The following CYTH4 variants were observed in gnomAD, a reference collection of about 807,000 sequenced individuals.
The protein encoded by CYTH4 is cytohesin 4.
Under a neutral mutation model 57.5 loss-of-function variants are expected in CYTH4, and 22 were observed. That is an observed-to-expected ratio of 0.38 (90% CI 0.27 to 0.55). The LOEUF (loss-of-function observed/expected upper bound fraction) is 0.55, where lower values mean the gene tolerates loss of function less well. CYTH4 is among the 20% of genes least tolerant of loss of function. CYTH4 has a pLI of 0.74. For missense variants in CYTH4, 420 were observed against 535.6 expected (o/e 0.78, Z 2.13); for synonymous variants, 186 against 206.5 (o/e 0.90, Z 0.85).
chr22:37,310,959 G>C, intron 9 of CYTH4, 29 bp from the exon 10 acceptor site: 1 of 1,613,222 alleles, frequency 6.2e-7, no homozygotes, highest in African/African-American at 1.3e-5. Context: ...GAGGAGGACT[G>C]ACCAGCTTGC....
intron 2 of CYTH4, among the ~76,000 whole-genome samples, 180 bp downstream of exon 2, chr22:37,292,883 C>T (rs907807354): frequency 6.6e-5 from 10 of 152,158 alleles, no homozygotes; most frequent in African/African-American, 2.4e-4. Context: ...ACCCCGAGAC[C>T]CAGGGAGAAC....
chr22:37,286,492 A>G (rs1026197108), intron 1 of CYTH4, among the ~76,000 whole-genome samples: 1 of 152,074 alleles, frequency 6.6e-6, no homozygotes. Context: ...TTCCTTAACC[A>G]ACGGCGTGGC....
intron 9 of CYTH4, chr22:37,310,097 C>T (rs1341382014): frequency 2.5e-5 from 11 of 442,384 alleles, no homozygotes; most frequent in South Asian, 1.8e-4. Flanking sequence ...CAACATTGAG[C>T]CTCCAGCACC....
At position 37,296,006 on chromosome 22, in the gene CYTH4, G is replaced by T. The variant is rs769340898; in HGVS notation, c.175G>T (p.Ala59Ser). 3.7e-6 allele frequency: 6 copies of T among 1,612,864 alleles called. No individual in the cohort carries two copies. Among genetic ancestry groups the T allele is most frequent in the Non-Finnish European group, 5.1e-6 (6 of 1,179,464 alleles). The change falls in exon 4 of 13, where the codon GCC (alanine) becomes TCC (serine). Residue 59 changes from alanine to serine, a missense_variant. By Grantham distance (99) the Ala-to-Ser change is moderately conservative. Coordinates refer to ENST00000248901, the MANE Select transcript of CYTH4 (RefSeq NM_013385.5). ...CFESAEESRMAQKEKELCIGR... is the reference protein window; with the variant it reads ...CFESAEESRMSQKEKELCIGR... ...ACGTCCTCATGTCCACAGCCGGATG[G>T]CCCAGAAGGAGAAGGAGCTGTGTAT... is the stretch of plus-strand genomic sequence containing the variant.
At chr22:37,300,167 C>T (rs913828541) in intron 6 of CYTH4, 1 of 717,424 alleles carries the variant, frequency 1.4e-6, no homozygotes. Flanking sequence ...CGAGAAGGAG[C>T]ATCTGATCTG....
chr22:37,299,169 G>T, intron 5 of CYTH4, 57 bp from the exon 6 acceptor site: 2 of 1,386,642 alleles, frequency 1.4e-6, no homozygotes, highest in Non-Finnish European at 2.0e-6. Context: ...CCTCCAGGAG[G>T]TGGGTGCCAG....
At chr22:37,302,956 C>T (rs1004522298) in intron 7 of CYTH4, among the ~76,000 whole-genome samples, 1 of 106,980 alleles carries the variant, frequency 9.3e-6, no homozygotes, top group African/African-American at 2.6e-5. Flanking sequence ...CGTGGCTGAG[C>T]GAGAAGGAGG....
chr22:37,286,218 G>A (rs1269607106), intron 1 of CYTH4, among the ~76,000 whole-genome samples: 1 of 152,152 alleles, frequency 6.6e-6, no homozygotes, highest in African/African-American at 2.4e-5. Flanking sequence ...TTCGTATGGA[G>A]AGATCAGCCT....
rs367716701 is a variant in CYTH4, at chr22:37,293,796, G to A, written c.103-864G>A. Among the ~76,000 whole-genome samples the A allele has an allele frequency of 4.6e-5, 7 of 152,248 alleles. No homozygotes were observed. In the East Asian group the frequency reaches 5.8e-4, roughly 13 times the overall value. On this transcript the variant is annotated intron_variant, in intron 2 of 12. Transcript: ENST00000248901. ...GTGTTAGGGGGTCCCCTCTGCCACT[G>A]GGTGCCTCCTGCAGGGTCAAGATGA...
intron 5 of CYTH4, 28 bp downstream of exon 5, chr22:37,297,710 C>A: frequency 6.3e-7 from 1 of 1,591,192 alleles, no homozygotes; most frequent in Non-Finnish European, 8.6e-7. Flanking sequence ...CTTAGCGAGG[C>A]AGGAAATGAA....
chr22:37,299,331 C>A (rs779265378), intron 6 of CYTH4, 25 bp downstream of exon 6: 1 of 1,609,584 alleles, frequency 6.2e-7, no homozygotes, highest in East Asian at 2.2e-5. Context: ...GGCAGGGTCC[C>A]GGCCCTCAAG....
rs557488185 is a variant in CYTH4, at chr22:37,308,560, G to T, written c.697-652G>T. Among the ~76,000 whole-genome samples, 3 of 152,052 alleles carry T rather than the reference G, an allele frequency of 2.0e-5. No individual in the cohort carries two copies. The South Asian group carries it at 6.2e-4, about 32-fold the overall frequency. ...TGTGTGTATGTGTGTAAGTGTGCGT[G>T]TGTATACATGTATGTGTGAGCGTGT... On this transcript the variant is annotated intron_variant, in intron 8 of 12. Transcript: ENST00000248901.
At chr22:37,308,159 G>A (rs779312355) in intron 8 of CYTH4, among the ~76,000 whole-genome samples, 4 of 152,218 alleles carry the variant, frequency 2.6e-5, no homozygotes, top group Non-Finnish European at 4.4e-5. Context: ...AACAGGAAGT[G>A]GCCTATCCTC....
At chr22:37,299,916 G>C (rs1245847817) in intron 6 of CYTH4, among the ~76,000 whole-genome samples, 1 of 152,188 alleles carries the variant, frequency 6.6e-6, no homozygotes, top group East Asian at 1.9e-4. Flanking sequence ...ACCTGGACCT[G>C]GGAGGTGGAG....
intron 8 of CYTH4, among the ~76,000 whole-genome samples, chr22:37,307,466 C>T (rs2145868508): frequency 6.6e-6 from 1 of 152,288 alleles, no homozygotes; most frequent in South Asian, 2.1e-4. Context: ...GTAGGGGCTT[C>T]CCAGAGAGAA....
rs757833823 is a variant in CYTH4, at chr22:37,298,052, T to C, written c.353+370T>C. 2.9e-5 allele frequency: 5 copies of C among 171,600 alleles called. No individual in the cohort carries two copies. Among genetic ancestry groups the C allele is most frequent in the Non-Finnish European group, 5.0e-5 (4 of 79,236 alleles). 10.6% of individuals were successfully genotyped at this position (171,600 alleles called of 1,614,324 possible). A position where few individuals can be genotyped will look rare whatever the true frequency, so the allele number is the denominator to read the frequency against. On this transcript the variant is annotated intron_variant, in intron 5 of 12. Coordinates refer to ENST00000248901, the MANE Select transcript of CYTH4 (RefSeq NM_013385.5). The surrounding 1 kb of genome is among the most constrained non-coding windows in gnomAD (Gnocchi z 4.1). ...AATGATAAGCTCTGTGGAATACAAATCGAGCAGGGAAGGGAAGTCAGAAAT... is the reference window on the plus strand; with the variant it reads ...AATGATAAGCTCTGTGGAATACAAACCGAGCAGGGAAGGGAAGTCAGAAAT...
At chr22:37,286,366 G>A (rs1928562015) in intron 1 of CYTH4, among the ~76,000 whole-genome samples, 1 of 152,176 alleles carries the variant, frequency 6.6e-6, no homozygotes, top group African/African-American at 2.4e-5. Context: ...CTCACCTGTA[G>A]GATGAGCTTA....
intron 8 of CYTH4, among the ~76,000 whole-genome samples, chr22:37,308,707 T>C (rs924671338): frequency 6.6e-6 from 1 of 152,060 alleles, no homozygotes; most frequent in African/African-American, 2.4e-5. Flanking sequence ...TGTGTGAGCA[T>C]GCATGTGTGT....
Position 37,295,178 on chromosome 22 carries a change from T to G in CYTH4, c.167+454T>G, listed in dbSNP as rs1928907788. Among the ~76,000 whole-genome samples the G allele has an allele frequency of 6.6e-6, 1 of 152,080 alleles. No homozygotes were observed. ...GCCTCTGTGGAAAACTCCCACTATT[T>G]TGTGATCTGGGACAGATCCTGTCCC... is the stretch of plus-strand genomic sequence containing the variant. On this transcript the variant is annotated intron_variant, in intron 3 of 12. Transcript: ENST00000248901. This position sits in a 1 kb window ranked among gnomAD's most constrained non-coding sequence, Gnocchi z 4.1.
Sources: allele counts gnomAD v4.1 joint callset (sites outside exome capture counted in the v4.1 genomes callset), GRCh38; gene constraint gnomAD v4.1.1; non-coding constraint Gnocchi (gnomAD v3.1); transcripts MANE v1.5; gene names NCBI Gene and HGNC (gene_info 2026-07-23, HGNC 2026-07-21).